The following PDE4D variants were observed in gnomAD, a reference collection of about 807,000 sequenced individuals.
The protein encoded by PDE4D is phosphodiesterase 4D.
In PDE4D, 24 loss-of-function variants were observed where a neutral mutation model predicts 87.4. That is an observed-to-expected ratio of 0.27 (90% confidence interval 0.20 to 0.39). PDE4D has a LOEUF of 0.39. Ranked by LOEUF, PDE4D falls within the 10% of genes least tolerant of loss-of-function variation. The pLI is 1.00. For missense variants in PDE4D, 714 were observed against 1,041.0 expected (o/e 0.69, Z 4.32); for synonymous variants, 384 against 383.2 (o/e 1.00, Z -0.02).
chr5:60,171,429 A>T (rs1364338057), intron 2 of PDE4D, among the ~76,000 whole-genome samples: 2 of 152,094 alleles, frequency 1.3e-5, no homozygotes, highest in African/African-American at 4.8e-5. Context: ...ACAAATTGAA[A>T]ATTGGTCATA....
intron 5 of PDE4D, among the ~76,000 whole-genome samples, chr5:59,042,268 T>C (rs1759810350): frequency 6.6e-6 from 1 of 152,192 alleles, no homozygotes; most frequent in African/African-American, 2.4e-5. Context: ...TTTGTAAAGC[T>C]TCACTTTTAG....
At chr5:60,389,408 A>G (rs1475518544) in intron 1 of PDE4D, among the ~76,000 whole-genome samples, 1 of 152,220 alleles carries the variant, frequency 6.6e-6, no homozygotes, top group African/African-American at 2.4e-5. Flanking sequence ...TTTATATTTT[A>G]TATACTTGAA....
chr5:59,233,865 T>C (rs1244265321), intron 1 of PDE4D, among the ~76,000 whole-genome samples: 2 of 152,142 alleles, frequency 1.3e-5, no homozygotes, highest in Non-Finnish European at 2.9e-5. Context: ...GGAGGAATAA[T>C]GAAGCTCATT....
chr5:59,559,473 T>A lies in PDE4D; in HGVS notation c.455+333695A>T, dbSNP rs1040854621. 4.6e-5 allele frequency among the ~76,000 whole-genome samples: 7 copies of A among 152,292 alleles called. No homozygotes were observed. In the South Asian group the frequency reaches 1.0e-3, roughly 23 times the overall value. ...AACGAACAGAAAAAAATTAAATGTT[T>A]GTTTTGGAGAAGTTTCATGCTGTTA... On this transcript the variant is annotated intron_variant, in intron 1 of 14. Transcript: ENST00000340635.
rs558486642 is a variant in PDE4D, at chr5:59,127,162, A to C, written c.808+53433T>G. 2.6e-5 allele frequency among the ~76,000 whole-genome samples: 4 copies of C among 152,306 alleles called. No homozygotes were observed. In the East Asian group the frequency reaches 7.7e-4, roughly 29 times the overall value. ...GCCATTTTCTCAGGCAGACACACAA[A>C]CATGCAAGCGTCCACAGTAATGTGC... is the stretch of plus-strand genomic sequence containing the variant. On this transcript the variant is annotated intron_variant, in intron 5 of 14. Coordinates refer to ENST00000340635, the MANE Select transcript of PDE4D (RefSeq NM_001104631.2).
intron 1 of PDE4D, among the ~76,000 whole-genome samples, chr5:59,442,385 T>G (rs1373447511): frequency 6.6e-6 from 1 of 152,154 alleles, no homozygotes; most frequent in Non-Finnish European, 1.5e-5. Flanking sequence ...AATCAGCAAG[T>G]TAACAGCTTA....
chr5:60,345,252 C>T (rs1758650204), intron 1 of PDE4D, among the ~76,000 whole-genome samples: 1 of 151,670 alleles, frequency 6.6e-6, no homozygotes, highest in Admixed American at 6.6e-5. Context: ...ACAATGAGAA[C>T]ACTTGGACAC....
intron 1 of PDE4D, among the ~76,000 whole-genome samples, chr5:59,848,982 T>A (rs187400071): frequency 4.8e-4 from 73 of 152,146 alleles, no homozygotes; most frequent in African/African-American, 1.7e-3. Flanking sequence ...ACAAGGCTGC[T>A]CAAGGAAAGA....
At chr5:59,293,479 C>T (rs1768445709) in intron 1 of PDE4D, among the ~76,000 whole-genome samples, 1 of 152,018 alleles carries the variant, frequency 6.6e-6, no homozygotes. Flanking sequence ...AGATTTCAGC[C>T]CTAAGGAAAA....
chr5:60,223,965 G>T (rs1406498648), intron 1 of PDE4D, among the ~76,000 whole-genome samples: 2 of 151,982 alleles, frequency 1.3e-5, no homozygotes, highest in African/African-American at 4.8e-5. Flanking sequence ...TTTTTCCTGG[G>T]TAGTGTCTAA....
chr5:60,442,648 C>T (rs1745329567), intron 1 of PDE4D, among the ~76,000 whole-genome samples: 2 of 151,862 alleles, frequency 1.3e-5, no homozygotes, highest in South Asian at 4.2e-4. Context: ...TAGATAAGCA[C>T]TATAAAAGTG....
At chr5:59,652,803 TG>T (rs977267818) in intron 1 of PDE4D, among the ~76,000 whole-genome samples, 8 of 151,834 alleles carry the variant, frequency 5.3e-5, no homozygotes, top group Admixed American at 1.3e-4. Flanking sequence ...TCTTATTGCA[TG>T]TTTTTTTTTT....
chr5:60,410,842 C>T (rs776563764), intron 1 of PDE4D, among the ~76,000 whole-genome samples: 2 of 152,226 alleles, frequency 1.3e-5, no homozygotes, highest in Non-Finnish European at 2.9e-5. Flanking sequence ...CAATGAGCCT[C>T]AGACATTTAT....
At chr5:59,456,772 G>A (rs1389258956) in intron 1 of PDE4D, among the ~76,000 whole-genome samples, 2 of 152,130 alleles carry the variant, frequency 1.3e-5, no homozygotes, top group Non-Finnish European at 1.5e-5. Context: ...AGGAGTTTGA[G>A]AAAAGTTGAT....
intron 1 of PDE4D, among the ~76,000 whole-genome samples, chr5:59,443,287 T>C (rs2153637024): frequency 6.6e-6 from 1 of 152,302 alleles, no homozygotes; most frequent in South Asian, 2.1e-4. Context: ...ATTGCGTAGT[T>C]TCTAGAATAT....
chr5:59,425,887 C>T (rs1795130529), intron 1 of PDE4D, among the ~76,000 whole-genome samples: 1 of 152,120 alleles, frequency 6.6e-6, no homozygotes. Flanking sequence ...TTGTTATGGG[C>T]TGAATTGTGT....
intron 5 of PDE4D, among the ~76,000 whole-genome samples, chr5:59,172,365 TATATATA>T (rs1202709474): frequency 7.4e-6 from 1 of 134,724 alleles, no homozygotes; most frequent in African/African-American, 2.8e-5. Context: ...TTGTATATAT[TATATATA>T]ATATATATTT....
chr5:60,518,099 C>A (rs1750879901), intron 1 of PDE4D, among the ~76,000 whole-genome samples: 1 of 152,258 alleles, frequency 6.6e-6, no homozygotes, highest in African/African-American at 2.4e-5. Context: ...CCAGCCACAG[C>A]CTCACAGGGA....
chr5:59,712,393 C>CAT (rs5868190), intron 1 of PDE4D, among the ~76,000 whole-genome samples: 4,095 of 122,220 alleles, frequency 0.034, 80 homozygotes, highest in South Asian at 0.042. Flanking sequence ...TAATATTATT[C>CAT]ATATATATAT....
Sources: allele counts gnomAD v4.1 joint callset (sites outside exome capture counted in the v4.1 genomes callset), GRCh38; gene constraint gnomAD v4.1.1; transcripts MANE v1.5; gene names NCBI Gene and HGNC (gene_info 2026-07-23, HGNC 2026-07-21).